AFF3: variants seen among roughly 807,000 people sequenced by gnomAD.
AFF3 encodes ALF transcription elongation factor 3, also known as AF4/FMR2 family member 3.
In AFF3, 32 loss-of-function variants were observed where a neutral mutation model predicts 129.7. The ratio of observed to expected loss-of-function variants is 0.25; its 90% CI spans 0.19 to 0.33. The LOEUF (loss-of-function observed/expected upper bound fraction) is 0.33, where lower values mean the gene tolerates loss of function less well. Ranked by LOEUF, AFF3 falls within the 10% of genes least tolerant of loss-of-function variation. The pLI, the probability that AFF3 is intolerant of heterozygous loss-of-function variation, is 1.00. For missense variants in AFF3, 1,373 were observed against 1,592.0 expected (o/e 0.86, Z 2.34); for synonymous variants, 644 against 635.4 (o/e 1.01, Z -0.20).
At chr2:99,979,360 G>A (rs1679187762) in intron 7 of AFF3, among the ~76,000 whole-genome samples, 1 of 152,132 alleles carries the variant, frequency 6.6e-6, no homozygotes, top group Non-Finnish European at 1.5e-5. Flanking sequence ...GCTCAGAACA[G>A]CTATGGCTCT....
In AFF3 at chr2:99,785,731, C is replaced by T. The variant is rs1408171744; in HGVS notation, c.922-33430G>A. The stretch of plus-strand genomic sequence containing the variant: ...AAGAAATTCTGAGAGTTTGAATCAG[C>T]ATGAACCTTTAAGTGATTTTTTTAT... On this transcript the variant is annotated intron_variant, in intron 8 of 24. Transcript: ENST00000672756. 1.1e-4 allele frequency among the ~76,000 whole-genome samples: 16 copies of T among 152,236 alleles called. No homozygotes were observed. In the East Asian group the frequency reaches 3.1e-3, roughly 29 times the overall value.
chr2:100,037,228 T>C (rs910503794), intron 4 of AFF3, among the ~76,000 whole-genome samples: 1 of 151,732 alleles, frequency 6.6e-6, no homozygotes, highest in Non-Finnish European at 1.5e-5. Context: ...ATTTATGTAA[T>C]GTAGTTTACA....
chr2:99,553,319 T>C (rs1674582704), intron 24 of AFF3, among the ~76,000 whole-genome samples: 2 of 152,196 alleles, frequency 1.3e-5, no homozygotes, highest in South Asian at 2.1e-4. Flanking sequence ...CTGCATGTTA[T>C]GTACTATGTG....
At chr2:99,804,398 AC>A (rs1432672071) in intron 8 of AFF3, among the ~76,000 whole-genome samples, 1 of 152,150 alleles carries the variant, frequency 6.6e-6, no homozygotes, top group African/African-American at 2.4e-5. Context: ...CCAACTTACC[AC>A]AGCCAGAATG....
intron 7 of AFF3, among the ~76,000 whole-genome samples, chr2:99,968,797 A>G (rs1678048531): frequency 6.6e-6 from 1 of 152,212 alleles, no homozygotes; most frequent in African/African-American, 2.4e-5. Context: ...GTGCATTGGC[A>G]ACCTTCCTCC....
chr2:99,901,963 G>A lies in AFF3; in HGVS notation c.874-64439C>T, dbSNP rs996666214. Among the ~76,000 whole-genome samples, 6 of 151,526 alleles carry A rather than the reference G, an allele frequency of 4.0e-5. No homozygotes were observed. In the East Asian group the frequency reaches 1.2e-3, roughly 30 times the overall value. ...ACTCCACGTTCCGGCCTCTTTCCAC[G>A]CTCACCCACACTTTGAGGCTTTGAA... On this transcript the variant is annotated intron_variant, in intron 7 of 24. Transcript: ENST00000672756.
chr2:99,896,620 CTTTTTT>C (rs35573862), intron 7 of AFF3, among the ~76,000 whole-genome samples: 142 of 36,018 alleles, frequency 3.9e-3, no homozygotes, highest in Non-Finnish European at 6.2e-3. Context: ...TGTCAAAATG[CTTTTTT>C]TTTTTTTTTT....
intron 1 of AFF3, among the ~76,000 whole-genome samples, chr2:100,141,369 G>A (rs1451843141): frequency 6.6e-6 from 1 of 152,208 alleles, no homozygotes; most frequent in Non-Finnish European, 1.5e-5. Context: ...TTAAATGTCT[G>A]TATTACTTTC....
chr2:99,995,573 C>G (rs565417879), intron 7 of AFF3, among the ~76,000 whole-genome samples: 1 of 152,102 alleles, frequency 6.6e-6, no homozygotes, highest in African/African-American at 2.4e-5. Flanking sequence ...GGGGTTTCAC[C>G]ATGTTAGCCA....
intron 16 of AFF3, among the ~76,000 whole-genome samples, chr2:99,585,923 G>GT (rs1008762968): frequency 6.6e-6 from 1 of 152,010 alleles, no homozygotes; most frequent in African/African-American, 2.4e-5. Context: ...TAGATACGGG[G>GT]TTTCACCATA....
Position 100,127,142 on chromosome 2 carries a change from G to T in AFF3, c.-145+2082C>A, listed in dbSNP as rs1692226484. 2.0e-5 allele frequency among the ~76,000 whole-genome samples: 3 copies of T among 152,136 alleles called. No homozygotes were observed. The South Asian group carries it at 6.2e-4, about 32-fold the overall frequency. On this transcript the variant is annotated intron_variant, in intron 2 of 24. Coordinates refer to ENST00000672756, the MANE Select transcript of AFF3 (RefSeq NM_001386135.1). Reference sequence around the variant, plus strand: ...TCTAGGAGGTAACTCTGCAATCACAGTTCATCCAGTCAGAGAAAAAATGAC... The same window carrying T: ...TCTAGGAGGTAACTCTGCAATCACATTTCATCCAGTCAGAGAAAAAATGAC...
chr2:100,017,520 C>A (rs1019763469), intron 4 of AFF3, among the ~76,000 whole-genome samples: 1 of 152,178 alleles, frequency 6.6e-6, no homozygotes, highest in African/African-American at 2.4e-5. Flanking sequence ...CACTTCTGTA[C>A]TCTATCTTTT....
At chr2:99,947,731 T>C (rs1675773738) in intron 7 of AFF3, among the ~76,000 whole-genome samples, 2 of 152,114 alleles carry the variant, frequency 1.3e-5, no homozygotes, top group East Asian at 3.9e-4. Context: ...GGAGGTGGCA[T>C]CTGACCAGGG....
intron 13 of AFF3, among the ~76,000 whole-genome samples, chr2:99,623,532 TG>T (rs1161744279): frequency 3.3e-5 from 5 of 152,172 alleles, no homozygotes; most frequent in Non-Finnish European, 5.9e-5. Flanking sequence ...ATGCCCTGGC[TG>T]GGGTGAGTGA....
intron 8 of AFF3, among the ~76,000 whole-genome samples, chr2:99,812,411 G>T (rs1686860717): frequency 6.6e-6 from 1 of 152,186 alleles, no homozygotes; most frequent in Non-Finnish European, 1.5e-5. Context: ...GCCCCACAAA[G>T]GCACGGAGGA....
At chr2:99,682,099 GT>G (rs1305880957) in intron 11 of AFF3, among the ~76,000 whole-genome samples, 1 of 151,924 alleles carries the variant, frequency 6.6e-6, no homozygotes, top group African/African-American at 2.4e-5. Flanking sequence ...TAGAGACAGG[GT>G]TTTGCCATGT....
chr2:99,801,358 A>C (rs996112838), intron 8 of AFF3, among the ~76,000 whole-genome samples: 1 of 152,212 alleles, frequency 6.6e-6, no homozygotes, highest in African/African-American at 2.4e-5. Context: ...CTCTAACCTT[A>C]GTCCAAATGC....
At chr2:99,815,810 TTCTC>T (rs747354542) in intron 8 of AFF3, among the ~76,000 whole-genome samples, 10 of 147,530 alleles carry the variant, frequency 6.8e-5, no homozygotes, top group South Asian at 4.4e-4. Flanking sequence ...TCCTGGTTCC[TTCTC>T]TCTCTCTCTC....
intron 12 of AFF3, among the ~76,000 whole-genome samples, chr2:99,651,834 A>G (rs922689356): frequency 6.6e-6 from 1 of 152,086 alleles, no homozygotes; most frequent in African/African-American, 2.4e-5. Flanking sequence ...TTCAGGTTAG[A>G]AAAAAAAGTC....
Sources: gnomAD v4.1 joint callset for allele counts (sites outside exome capture counted in the v4.1 genomes callset) on GRCh38, gnomAD v4.1.1 for gene constraint, MANE v1.5 for transcripts, NCBI Gene and HGNC (gene_info 2026-07-23, HGNC 2026-07-21) for gene names.